Variants in CDH4 observed in about 807,000 individuals in gnomAD.
The protein encoded by CDH4 is cadherin 4, also known as cadherin-4.
Under a neutral mutation model 86.0 loss-of-function variants are expected in CDH4, and 33 were observed. The observed-to-expected ratio is 0.38, with a 90% CI of 0.29 to 0.51. The LOEUF is 0.51. Ranked by LOEUF, CDH4 falls within the 20% of genes least tolerant of loss-of-function variation. The pLI is 0.86. For missense variants in CDH4, 1,114 were observed against 1,307.4 expected, an observed-to-expected ratio of 0.85 and a Z score of 2.28; for synonymous variants, 555 against 549.4, an observed-to-expected ratio of 1.01 and a Z score of -0.14.
intron 2 of CDH4, among the ~76,000 whole-genome samples, chr20:61,721,585 G>T (rs964131329): frequency 2.6e-5 from 4 of 152,164 alleles, no homozygotes; most frequent in African/African-American, 9.7e-5. Flanking sequence ...TCTTTATCAA[G>T]ACTTCATGTC....
At chr20:61,423,619 G>A (rs959752988) in intron 2 of CDH4, among the ~76,000 whole-genome samples, 5 of 151,374 alleles carry the variant, frequency 3.3e-5, no homozygotes, top group African/African-American at 1.2e-4. Flanking sequence ...AATGGCTTGG[G>A]ATTTTTTTTG....
chr20:61,601,490 G>C (rs529381386), intron 2 of CDH4, among the ~76,000 whole-genome samples: 1 of 152,164 alleles, frequency 6.6e-6, no homozygotes, highest in Non-Finnish European at 1.5e-5. Context: ...GGCAGCCTGC[G>C]GCCCAACACT....
chr20:61,542,343 C>G (rs2086045917), intron 2 of CDH4, among the ~76,000 whole-genome samples: 1 of 152,144 alleles, frequency 6.6e-6, no homozygotes, highest in Non-Finnish European at 1.5e-5. Context: ...TTCAACTTTC[C>G]TGGGGTTGCA....
intron 2 of CDH4, among the ~76,000 whole-genome samples, chr20:61,357,082 T>C (rs1314404854): frequency 6.6e-6 from 1 of 152,174 alleles, no homozygotes; most frequent in Non-Finnish European, 1.5e-5. Flanking sequence ...CAGGTTAACA[T>C]GTGCCCCCAA....
At chr20:61,538,403 T>C (rs181540667) in intron 2 of CDH4, among the ~76,000 whole-genome samples, 23 of 152,286 alleles carry the variant, frequency 1.5e-4, no homozygotes, top group African/African-American at 1.9e-4. Flanking sequence ...AGATTTGTTC[T>C]GCTCTGATAC....
chr20:61,342,812 G>A (rs1165177950), intron 2 of CDH4, among the ~76,000 whole-genome samples: 2 of 152,256 alleles, frequency 1.3e-5, no homozygotes, highest in African/African-American at 4.8e-5. Context: ...GAGACCGTGA[G>A]AGCCCAGGGG....
chr20:61,834,130 G>A lies in CDH4; in HGVS notation c.577-10538G>A, dbSNP rs148752711. ...AGTCCATGCAGAGCAAGGGTGGGCCGGGGTGATTTCCAAAGACTGGCAGAA... is the reference window on the plus strand; with the variant it reads ...AGTCCATGCAGAGCAAGGGTGGGCCAGGGTGATTTCCAAAGACTGGCAGAA... On this transcript the variant is annotated intron_variant, in intron 4 of 15. Coordinates refer to ENST00000614565, the MANE Select transcript of CDH4 (RefSeq NM_001794.5). Among the ~76,000 whole-genome samples the A allele has an allele frequency of 6.6e-3, 998 of 152,342 alleles. 10 individuals are homozygous for A. The highest frequency in any genetic ancestry group is 0.023 in the African/African-American group (944 of 41,586).
rs1387341964 is a variant in CDH4, at chr20:61,902,264, GCCGGGGCCTCTGAAACCAGGACCC to G, written c.1188+7228_1188+7251del. Among the ~76,000 whole-genome samples, 1 of 152,234 alleles carries G rather than the reference GCCGGGGCCTCTGAAACCAGGACCC, an allele frequency of 6.6e-6. No individual in the cohort carries two copies. The highest frequency in any genetic ancestry group is 2.4e-5 in the African/African-American group (1 of 41,470). ...ACGATGCAGAGGCAGAAAAGGTCAA[GCCGGGGCCTCTGAAACCAGGACCC>G]CCGGGGCCTCCATTCCAGGAGAAGC... On this transcript the variant is annotated intron_variant, in intron 8 of 15. Transcript: ENST00000614565. This position sits in a 1 kb window ranked among gnomAD's most constrained non-coding sequence, Gnocchi z 4.6.
At chr20:61,330,255 T>C (rs2084565181) in intron 2 of CDH4, among the ~76,000 whole-genome samples, 1 of 152,226 alleles carries the variant, frequency 6.6e-6, no homozygotes, top group Non-Finnish European at 1.5e-5. Context: ...TTCTAGATCT[T>C]TGAGGAATCT....
chr20:61,350,668 C>G (rs1187373009), intron 2 of CDH4, among the ~76,000 whole-genome samples: 1 of 151,778 alleles, frequency 6.6e-6, no homozygotes, highest in African/African-American at 2.4e-5. Context: ...ATGATGCCAG[C>G]AGGACACCTC....
At chr20:61,642,522 G>T (rs2087021171) in intron 2 of CDH4, among the ~76,000 whole-genome samples, 1 of 152,210 alleles carries the variant, frequency 6.6e-6, no homozygotes, top group South Asian at 2.1e-4. Context: ...AGAACTTGGG[G>T]TTTTACTTGG....
intron 2 of CDH4, among the ~76,000 whole-genome samples, chr20:61,714,272 T>G (rs1259685943): frequency 6.6e-6 from 1 of 151,968 alleles, no homozygotes; most frequent in African/African-American, 2.4e-5. Flanking sequence ...GGTCTCCATC[T>G]CCTGACCTCA....
intron 2 of CDH4, among the ~76,000 whole-genome samples, chr20:61,414,249 G>A (rs192906675): frequency 4.6e-4 from 70 of 152,382 alleles, no homozygotes; most frequent in African/African-American, 1.0e-3. Context: ...GTTTCCCAGC[G>A]TGAATGACCC....
Position 61,938,774 on chromosome 20 carries a change from G to A in CDH4, c.*1831G>A, listed in dbSNP as rs570405760. On this transcript the variant is annotated 3_prime_UTR_variant, in exon 16 of 16. Transcript: ENST00000614565. ...GTGCACACATCTGTGCCAGGCTCAC[G>A]GCATGTTCCCGTTGGATGTCAGGGT... The A allele has an allele frequency of 2.0e-5, 3 of 152,514 alleles. No individual in the cohort carries two copies. Among genetic ancestry groups the A allele is most frequent in the Non-Finnish European group, 2.9e-5 (2 of 68,158 alleles). 9.4% of individuals were successfully genotyped at this position (152,514 alleles called of 1,614,324 possible). A position where few individuals can be genotyped will look rare whatever the true frequency, so the allele number is the denominator to read the frequency against.
Position 61,676,663 on chromosome 20 carries a change from C to T in CDH4, c.170-66900C>T, listed in dbSNP as rs1021003819. Among the ~76,000 whole-genome samples, 4 of 152,214 alleles carry T rather than the reference C, an allele frequency of 2.6e-5. No individual in the cohort carries two copies. Among genetic ancestry groups the T allele is most frequent in the African/African-American group, 9.7e-5 (4 of 41,450 alleles). On this transcript the variant is annotated intron_variant, in intron 2 of 15. Coordinates refer to ENST00000614565, the MANE Select transcript of CDH4 (RefSeq NM_001794.5). This position sits in a 1 kb window ranked among gnomAD's most constrained non-coding sequence, Gnocchi z 4.5. ...ATTCTCTGCACATGCCCTCAACAAA[C>T]AAACTCAATCCCACACACCCCCAGG...
At chr20:61,660,517 A>G (rs1433298918) in intron 2 of CDH4, among the ~76,000 whole-genome samples, 1 of 152,154 alleles carries the variant, frequency 6.6e-6, no homozygotes, top group African/African-American at 2.4e-5. Context: ...ATTTTCAAAC[A>G]TCAGCCGTGG....
chr20:61,385,543 G>C (rs1419485048), intron 2 of CDH4, among the ~76,000 whole-genome samples: 1 of 152,086 alleles, frequency 6.6e-6, no homozygotes, highest in Non-Finnish European at 1.5e-5. Flanking sequence ...AGCATGTCCA[G>C]CTGTCCCTGC....
At chr20:61,339,024 A>G (rs1026267296) in intron 2 of CDH4, among the ~76,000 whole-genome samples, 1 of 152,210 alleles carries the variant, frequency 6.6e-6, no homozygotes, top group Non-Finnish European at 1.5e-5. Context: ...TTCAAGCACT[A>G]CAATTCTGTA....
At chr20:61,554,868 G>T (rs2086163821) in intron 2 of CDH4, among the ~76,000 whole-genome samples, 1 of 143,950 alleles carries the variant, frequency 6.9e-6, no homozygotes, top group Non-Finnish European at 1.5e-5. Flanking sequence ...GCATGTTTGT[G>T]TGTCTGAGTA....
Sources: allele counts gnomAD v4.1 joint callset (sites outside exome capture counted in the v4.1 genomes callset), GRCh38; gene constraint gnomAD v4.1.1; non-coding constraint Gnocchi (gnomAD v3.1); transcripts MANE v1.5; gene names NCBI Gene and HGNC (gene_info 2026-07-23, HGNC 2026-07-21).